The following PDE11A variants were observed in gnomAD, a reference collection of about 807,000 sequenced individuals.
PDE11A encodes dual 3',5'-cyclic-AMP and -GMP phosphodiesterase 11A.
PDE11A carries 100 observed loss-of-function variants against 100.5 expected under a neutral mutation model. That is an observed-to-expected ratio of 1.00 (90% CI 0.85 to 1.18). The LOEUF (loss-of-function observed/expected upper bound fraction) is 1.18. PDE11A is among the 50% of genes most tolerant of loss of function. The pLI is 0.00. For missense variants in PDE11A, 1,141 were observed against 1,152.6 expected (o/e 0.99, Z 0.15); for synonymous variants, 381 against 420.8 (o/e 0.91, Z 1.16).
At chr2:177,892,836 G>T (rs7575322) in intron 4 of PDE11A, among the ~76,000 whole-genome samples, 15,370 of 152,240 alleles carry the variant, frequency 0.1, 968 homozygotes, top group African/African-American at 0.18. Context: ...TGACAGCCAG[G>T]CTTCTTCAGG....
chr2:177,671,577 C>T (rs2080682469), intron 17 of PDE11A, among the ~76,000 whole-genome samples: 1 of 148,282 alleles, frequency 6.7e-6, no homozygotes, highest in Non-Finnish European at 1.5e-5. Context: ...TTGAAGTGAG[C>T]ATTAAAAAAA....
At chr2:177,890,629 A>G (rs928653112) in intron 4 of PDE11A, among the ~76,000 whole-genome samples, 2 of 152,132 alleles carry the variant, frequency 1.3e-5, no homozygotes, top group Admixed American at 1.3e-4. Context: ...CTGGGTCCAG[A>G]TTGGTCTTTA....
chr2:177,660,329 C>T (rs2080467468), intron 19 of PDE11A, among the ~76,000 whole-genome samples: 1 of 151,962 alleles, frequency 6.6e-6, no homozygotes, highest in African/African-American at 2.4e-5. Context: ...TGCATGTGTC[C>T]TACCCACCTG....
chr2:177,692,203 G>T (rs1379884622), intron 15 of PDE11A, among the ~76,000 whole-genome samples: 1 of 152,120 alleles, frequency 6.6e-6, no homozygotes, highest in Non-Finnish European at 1.5e-5. Context: ...ATTAGTTGTT[G>T]TTTTTATTAC....
chr2:177,864,822 C>T (rs556046885), intron 5 of PDE11A, among the ~76,000 whole-genome samples: 5 of 152,166 alleles, frequency 3.3e-5, no homozygotes, highest in African/African-American at 4.8e-5. Flanking sequence ...TTTGTACACA[C>T]GAGGGATGCC....
chr2:177,925,862 T>G (rs1340876196), intron 2 of PDE11A, among the ~76,000 whole-genome samples: 2 of 152,232 alleles, frequency 1.3e-5, no homozygotes, highest in Non-Finnish European at 2.9e-5. Flanking sequence ...AAATGAAATC[T>G]TTTTTCTTCA....
rs184838361 is a variant in PDE11A, at chr2:177,907,946, G to A, written c.1072-2759C>T. On this transcript the variant is annotated intron_variant, in intron 2 of 19. Transcript: ENST00000286063. ...CTGTTTTTTTGTCACTGATCCAGGA[G>A]TCTCATGTCTTCTGTCAGCATCCAT... Among the ~76,000 whole-genome samples, 18 of 152,296 alleles carry A rather than the reference G, an allele frequency of 1.2e-4. 1 individual carries two copies. The East Asian group carries it at 1.5e-3, about 13-fold the overall frequency.
In PDE11A at chr2:177,760,113, G is replaced by T. The variant is rs143480688; in HGVS notation, c.1788+9210C>A. ...TTGCAGAAGAAAAACCAAAGCAGAG[G>T]GGTTCCATTTTTCTTGCTGGTTCTT... On this transcript the variant is annotated intron_variant, in intron 10 of 19. Transcript: ENST00000286063. 2.6e-5 allele frequency among the ~76,000 whole-genome samples: 4 copies of T among 152,232 alleles called. No homozygotes were observed. The East Asian group carries it at 7.7e-4, about 29-fold the overall frequency.
Position 177,876,390 on chromosome 2 carries a change from C to A in PDE11A, c.1303-467G>T, listed in dbSNP as rs1301015902. ...TTGTTCTCAGGTGAGCTTCGTGGTA[C>A]CACCACCTAAAGGGTAAAGAGGAAG... On this transcript the variant is annotated intron_variant, in intron 4 of 19. Coordinates refer to ENST00000286063, the MANE Select transcript of PDE11A (RefSeq NM_016953.4). 2.2e-5 allele frequency among the ~76,000 whole-genome samples: 3 copies of A among 137,212 alleles called. 1 individual carries two copies. The highest frequency in any genetic ancestry group is 9.2e-5 in the African/African-American group (3 of 32,638). 90.0% of individuals were successfully genotyped at this position (137,212 alleles called of 152,430 possible).
Position 177,625,518 on chromosome 2 carries a change from A to T in PDE11A, c.*3889T>A, listed in dbSNP as rs1455296372. On this transcript the variant is annotated 3_prime_UTR_variant, in exon 20 of 20. Coordinates refer to ENST00000286063, the MANE Select transcript of PDE11A (RefSeq NM_016953.4). ...ATTGTAGATTGTGCACATAATAGCTACATAGTGACTAGTAAGAATAAATAT... is the reference window on the plus strand; with the variant it reads ...ATTGTAGATTGTGCACATAATAGCTTCATAGTGACTAGTAAGAATAAATAT... The T allele has an allele frequency of 6.6e-6, 1 of 152,452 alleles. No individual in the cohort carries two copies. The highest frequency in any genetic ancestry group is 1.5e-5 in the Non-Finnish European group (1 of 68,038). 9.4% of individuals were successfully genotyped at this position (152,452 alleles called of 1,614,324 possible).
At chr2:177,794,766 TTTTGTTTGTTTG>T (rs34096798) in intron 9 of PDE11A, among the ~76,000 whole-genome samples, 121 of 72,532 alleles carry the variant, frequency 1.7e-3, no homozygotes, top group East Asian at 7.1e-3. Context: ...GGTGTCTGGT[TTTTGTTTGTTTG>T]TTTGTTTGTT....
chr2:177,818,964 T>C (rs918169082), intron 7 of PDE11A, among the ~76,000 whole-genome samples: 1 of 151,836 alleles, frequency 6.6e-6, no homozygotes, highest in Non-Finnish European at 1.5e-5. Context: ...CATATATATA[T>C]AAATAATGAA....
chr2:177,667,788 C>T (rs1190767300), intron 18 of PDE11A, among the ~76,000 whole-genome samples: 1 of 152,198 alleles, frequency 6.6e-6, no homozygotes, highest in Non-Finnish European at 1.5e-5. Flanking sequence ...CACATGGAGG[C>T]ACTCAGGCAG....
At chr2:178,031,266 C>T (rs1405956353) in intron 1 of PDE11A, among the ~76,000 whole-genome samples, 1 of 152,130 alleles carries the variant, frequency 6.6e-6, no homozygotes, top group Non-Finnish European at 1.5e-5. Flanking sequence ...TCTCTATAAG[C>T]TCAGTTTCAA....
intron 12 of PDE11A, among the ~76,000 whole-genome samples, chr2:177,723,535 C>T (rs965060415): frequency 3.3e-5 from 5 of 152,102 alleles, no homozygotes; most frequent in Non-Finnish European, 7.4e-5. Flanking sequence ...TATATGAACC[C>T]TAGCTGAACC....
intron 2 of PDE11A, among the ~76,000 whole-genome samples, chr2:177,996,043 A>G (rs1364897415): frequency 6.6e-6 from 1 of 152,140 alleles, no homozygotes; most frequent in Non-Finnish European, 1.5e-5. Flanking sequence ...CCTGGCCAAC[A>G]TGGTGAAATC....
Position 177,803,571 on chromosome 2 carries a change from A to C in PDE11A, c.1737+13258T>G, listed in dbSNP as rs2082824424. Among the ~76,000 whole-genome samples the C allele has an allele frequency of 2.6e-5, 4 of 152,012 alleles. No individual in the cohort carries two copies. The South Asian group carries it at 8.3e-4, about 31-fold the overall frequency. Reference sequence around the variant, plus strand: ...ATCTTCAACAAAATACTAGCAAATCAAATCCAATAGCACATCAAAAAGATA... The same window carrying C: ...ATCTTCAACAAAATACTAGCAAATCCAATCCAATAGCACATCAAAAAGATA... On this transcript the variant is annotated intron_variant, in intron 9 of 19. Coordinates refer to ENST00000286063, the MANE Select transcript of PDE11A (RefSeq NM_016953.4).
chr2:177,762,950 T>A (rs189935482), intron 10 of PDE11A, among the ~76,000 whole-genome samples: 1 of 152,166 alleles, frequency 6.6e-6, no homozygotes, highest in Non-Finnish European at 1.5e-5. Flanking sequence ...GTTCCCCTCA[T>A]GCTCAGCACC....
chr2:177,836,021 C>T (rs534691264), intron 6 of PDE11A, among the ~76,000 whole-genome samples: 117 of 152,344 alleles, frequency 7.7e-4, no homozygotes, highest in African/African-American at 2.3e-3. Context: ...CTGCAGCACC[C>T]GGTCCTATCG....
Sources: allele counts gnomAD v4.1 joint callset (sites outside exome capture counted in the v4.1 genomes callset), GRCh38; gene constraint gnomAD v4.1.1; transcripts MANE v1.5; gene names NCBI Gene and HGNC (gene_info 2026-07-23, HGNC 2026-07-21).